The following MYO10 variants were observed in gnomAD, a reference collection of about 807,000 sequenced individuals.
MYO10 encodes the protein myosin X, also known as unconventional myosin-X.
A neutral mutation model predicts 257.3 loss-of-function variants in MYO10; 133 were observed. The observed-to-expected ratio is 0.52, with a 90% CI of 0.45 to 0.60. The LOEUF is 0.60. MYO10 is among the 20% of genes least tolerant of loss of function. The probability of loss-of-function intolerance (pLI) is 0.00; values close to 1 mark genes in which losing one functional copy is unlikely to be tolerated. For synonymous variants in MYO10, 1,104 were observed against 1,028.6 expected (o/e 1.07, Z -1.40); for missense variants, 2,399 against 2,635.7 (o/e 0.91, Z 1.97).
At chr5:16,880,242 G>A (rs372463593) in intron 1 of MYO10, among the ~76,000 whole-genome samples, 10 of 99,970 alleles carry the variant, frequency 1.0e-4, no homozygotes, top group Non-Finnish European at 1.5e-4. Context: ...ACTGTTACTC[G>A]GGATCCATAG....
rs1363473972 is a variant in MYO10 at position 16,689,894 on chromosome 5, C to G, written c.3826G>C (p.Glu1276Gln). 4 of 1,613,554 alleles carry G rather than the reference C, an allele frequency of 2.5e-6. No homozygotes were observed. The South Asian group carries it at 4.4e-5, about 18-fold the overall frequency. ...GCCATAATGATGTCGATCCCATTCTCCTTGGTGGTGTTATCTATGATCTCT... is the reference window on the plus strand; with the variant it reads ...GCCATAATGATGTCGATCCCATTCTGCTTGGTGGTGTTATCTATGATCTCT... Reference protein sequence around the residue: ...AKEIIDNTTKENGIDIIMADR... With the variant: ...AKEIIDNTTKQNGIDIIMADR... The change falls in exon 28 of 41, where the codon GAG becomes CAG. Residue 1276 changes from glutamate to glutamine, a missense_variant. Around this residue, in one of 3 missense-constraint regions of MYO10, gnomAD observed 1,820 missense variants for 1,939.4 expected, o/e 0.94. Coordinates refer to ENST00000513610, the MANE Select transcript of MYO10 (RefSeq NM_012334.3).
chr5:16,734,921 G>T (rs1395417422), intron 19 of MYO10, among the ~76,000 whole-genome samples: 1 of 152,144 alleles, frequency 6.6e-6, no homozygotes, highest in Non-Finnish European at 1.5e-5. Context: ...TCTGAGCCAG[G>T]AGTTTTACAG....
intron 9 of MYO10, among the ~76,000 whole-genome samples, chr5:16,777,243 A>C (rs547916174): frequency 6.6e-6 from 1 of 152,330 alleles, no homozygotes; most frequent in Non-Finnish European, 1.5e-5. Context: ...TTTTGTTAAC[A>C]GGTTAGAAAA....
At chr5:16,862,399 C>A (rs1047832471) in intron 2 of MYO10, among the ~76,000 whole-genome samples, 2 of 152,166 alleles carry the variant, frequency 1.3e-5, no homozygotes, top group Non-Finnish European at 2.9e-5. Flanking sequence ...GCAACTCATT[C>A]ACAGACAGAC....
intron 1 of MYO10, among the ~76,000 whole-genome samples, chr5:16,887,361 C>A (rs555588310): frequency 1.1e-4 from 17 of 152,222 alleles, no homozygotes; most frequent in Non-Finnish European, 2.5e-4. Context: ...CCCACACTTC[C>A]AATCAAAATC....
intron 19 of MYO10, among the ~76,000 whole-genome samples, chr5:16,729,750 T>A (rs1396786888): frequency 1.3e-5 from 2 of 152,090 alleles, no homozygotes; most frequent in Non-Finnish European, 2.9e-5. Flanking sequence ...AGCCTAAAGT[T>A]TTATTTTCTA....
chr5:16,710,784 C>G, intron 21 of MYO10, 124 bp downstream of exon 21: 1 of 784,788 alleles, frequency 1.3e-6, no homozygotes, highest in Non-Finnish European at 2.1e-6. Flanking sequence ...GGCATGGCAA[C>G]AGGAGTATCT....
At chr5:16,875,254 C>T (rs1744569380) in intron 2 of MYO10, among the ~76,000 whole-genome samples, 1 of 152,120 alleles carries the variant, frequency 6.6e-6, no homozygotes, top group South Asian at 2.1e-4. Context: ...ATATTGTTTT[C>T]CCTTTTCACA....
At chr5:16,679,686 G>A (rs1374276394) in intron 33 of MYO10, among the ~76,000 whole-genome samples, 2 of 151,820 alleles carry the variant, frequency 1.3e-5, no homozygotes, top group Non-Finnish European at 2.9e-5. Context: ...CACTACACCC[G>A]GCTAATTTTT....
intron 19 of MYO10, among the ~76,000 whole-genome samples, chr5:16,718,148 C>T (rs1271285469): frequency 6.6e-6 from 1 of 152,230 alleles, no homozygotes; most frequent in Non-Finnish European, 1.5e-5. Context: ...AGCCCACCGG[C>T]GCTGTGCTCT....
At chr5:16,683,055 T>C (rs1405509736) in intron 30 of MYO10, among the ~76,000 whole-genome samples, 1 of 152,048 alleles carries the variant, frequency 6.6e-6, no homozygotes, top group Admixed American at 6.6e-5. Flanking sequence ...TTATAAGGGG[T>C]GCAAGCTGAC....
chr5:16,908,526 GAAATA>G (rs771952961), intron 1 of MYO10, among the ~76,000 whole-genome samples: 8 of 152,090 alleles, frequency 5.3e-5, no homozygotes, highest in African/African-American at 7.2e-5. Flanking sequence ...TCGAAAAAAT[GAAATA>G]AAATAAAATA....
chr5:16,766,043 T>C (rs1186492053), intron 11 of MYO10, 37 bp downstream of exon 11: 1 of 1,467,744 alleles, frequency 6.8e-7, no homozygotes, highest in South Asian at 1.1e-5. Context: ...CCCAGGAGTG[T>C]CTAGTAACGC....
chr5:16,814,817 G>T (rs1742554546), intron 3 of MYO10: 1 of 152,066 alleles, frequency 6.6e-6, no homozygotes, highest in Non-Finnish European at 1.5e-5. Context: ...AATCCTACGG[G>T]TTTCCCCTTA....
At chr5:16,794,383 T>TAAAAA (rs58577651) in intron 4 of MYO10, among the ~76,000 whole-genome samples, 1 of 140,604 alleles carries the variant, frequency 7.1e-6, no homozygotes, top group African/African-American at 2.6e-5. Flanking sequence ...AATGTTGCTT[T>TAAAAA]AAAAAAAAAA....
chr5:16,754,843 C>T lies in MYO10; in HGVS notation c.1914G>A (p.Lys638=), dbSNP rs1579952875. 2 of 1,603,484 alleles carry T rather than the reference C, an allele frequency of 1.2e-6. No individual in the cohort carries two copies. Among genetic ancestry groups the T allele is most frequent in the Non-Finnish European group, 1.7e-6 (2 of 1,173,258 alleles). Residue 638 remains lysine (K), a synonymous_variant, in exon 19 of 41, where the codon AAG becomes AAA. Coordinates refer to ENST00000513610, the MANE Select transcript of MYO10 (RefSeq NM_012334.3). ...SSNPFFVRCI[K]PNMQKMPDQF... is the part of the protein sequence containing the mutation. Reference sequence around the variant, plus strand: ...TCAATCTTACCTTCTGCATGTTTGGCTTGATACAGCGAACAAAGAAAGGAT... The same window carrying T: ...TCAATCTTACCTTCTGCATGTTTGGTTTGATACAGCGAACAAAGAAAGGAT...
chr5:16,670,941 G>A lies in MYO10; in HGVS notation c.5468C>T (p.Pro1823Leu), dbSNP rs201051617. The change falls in exon 39 of 41, where the codon CCG becomes CTG. Residue 1823 changes from proline to leucine, a missense_variant. Physicochemically the swap from Pro to Leu is moderately conservative, Grantham distance 98 (BLOSUM62 -3). This residue lies in a region of MYO10 where 1,820 missense variants were observed against 1,939.4 expected (regional missense o/e 0.94). Coordinates refer to ENST00000513610, the MANE Select transcript of MYO10 (RefSeq NM_012334.3). ...AGCAAGAACCTGGAGGTTTTCTTCCGGGGCTGGATGGTGGCCATGGATAAC... is the reference window on the plus strand; with the variant it reads ...AGCAAGAACCTGGAGGTTTTCTTCCAGGGCTGGATGGTGGCCATGGATAAC... ...EAVIHGHHPAPEENLQVLAAL... is the reference protein window; with the variant it reads ...EAVIHGHHPALEENLQVLAAL... 109 of 1,612,412 alleles carry A rather than the reference G, an allele frequency of 6.8e-5. No individual in the cohort carries two copies. In the Admixed American group the frequency reaches 1.6e-3, roughly 23 times the overall value.
chr5:16,710,800 A>G, intron 21 of MYO10, 108 bp downstream of exon 21: 1 of 901,098 alleles, frequency 1.1e-6, no homozygotes, highest in Non-Finnish European at 1.7e-6. Flanking sequence ...TATCTTCCCA[A>G]TGTGAAAGAA....
chr5:16,751,315 A>C (rs1404731544), intron 19 of MYO10, among the ~76,000 whole-genome samples: 1 of 152,218 alleles, frequency 6.6e-6, no homozygotes, highest in African/African-American at 2.4e-5. Context: ...TTCACAGAAC[A>C]TAATAGGTGG....
Sources: allele counts gnomAD v4.1 joint callset (sites outside exome capture counted in the v4.1 genomes callset), GRCh38; gene constraint gnomAD v4.1.1; regional missense constraint gnomAD v4.1.1; transcripts MANE v1.5; gene names NCBI Gene and HGNC (gene_info 2026-07-23, HGNC 2026-07-21).